WDR26: variants seen among roughly 807,000 people sequenced by gnomAD.
WDR26 encodes the protein WD repeat-containing protein 26.
Under a neutral mutation model 84.1 loss-of-function variants are expected in WDR26, and 5 were observed. The observed-to-expected ratio is 0.06, with a 90% CI of 0.03 to 0.13. WDR26 has a LOEUF of 0.13. WDR26 is among the 10% of genes least tolerant of loss of function. WDR26 has a pLI of 1.00. For synonymous variants in WDR26, 415 were observed against 389.6 expected (o/e 1.07, Z -0.77); for missense variants, 642 against 974.9 (o/e 0.66, Z 4.55).
At chr1:224,425,029 C>T (rs778933597) in intron 3 of WDR26, among the ~76,000 whole-genome samples, 12 of 152,124 alleles carry the variant, frequency 7.9e-5, no homozygotes, top group Non-Finnish European at 1.2e-4. Context: ...AGAAGTATGA[C>T]TTTATAACTA....
At chr1:224,420,015 AG>A (rs1558438201) in intron 4 of WDR26, among the ~76,000 whole-genome samples, 1 of 152,224 alleles carries the variant, frequency 6.6e-6, no homozygotes, top group Admixed American at 6.5e-5. Flanking sequence ...TAAGAGGCTA[AG>A]TAGGTATATA....
chr1:224,403,351 C>G (rs150355837), intron 8 of WDR26, among the ~76,000 whole-genome samples: 2 of 152,252 alleles, frequency 1.3e-5, no homozygotes, highest in Non-Finnish European at 2.9e-5. Context: ...CGCCCGGCCA[C>G]AAATGCATGT....
chr1:224,413,669 T>G (rs1673801419), intron 6 of WDR26, among the ~76,000 whole-genome samples: 1 of 152,172 alleles, frequency 6.6e-6, no homozygotes, highest in East Asian at 1.9e-4. Context: ...GTACTAAGAT[T>G]TGGACCTATG....
At chr1:224,393,582 C>G (rs1016097146) in intron 13 of WDR26, among the ~76,000 whole-genome samples, 2 of 152,140 alleles carry the variant, frequency 1.3e-5, no homozygotes, top group Non-Finnish European at 2.9e-5. Flanking sequence ...AAATAGCTAA[C>G]TGGATGTCAA....
intron 6 of WDR26, chr1:224,413,340 A>G: frequency 8.1e-7 from 1 of 1,229,008 alleles, no homozygotes; most frequent in Admixed American, 2.6e-5. Context: ...ACCAGTCTGA[A>G]ACAAAATATA....
At chr1:224,393,663 CACT>C (rs1558414224) in intron 13 of WDR26, among the ~76,000 whole-genome samples, 162 bp downstream of exon 13, 1 of 152,180 alleles carries the variant, frequency 6.6e-6, no homozygotes, top group Non-Finnish European at 1.5e-5. Context: ...TTGGCTCTTA[CACT>C]ACTTAAACTC....
intron 6 of WDR26, among the ~76,000 whole-genome samples, chr1:224,415,755 C>T (rs978672382): frequency 5.9e-5 from 9 of 152,136 alleles, no homozygotes; most frequent in African/African-American, 2.2e-4. Context: ...CCACTGCACC[C>T]GGCCTGGAAC....
chr1:224,395,952 A>T (rs977711761), intron 12 of WDR26, among the ~76,000 whole-genome samples: 6 of 152,190 alleles, frequency 3.9e-5, no homozygotes, highest in Non-Finnish European at 8.8e-5. Context: ...TTTTTGGGAA[A>T]CGGTTTTTAA....
At chr1:224,417,503 GT>G (rs1673939189) in intron 6 of WDR26, among the ~76,000 whole-genome samples, 1 of 152,170 alleles carries the variant, frequency 6.6e-6, no homozygotes, top group Non-Finnish European at 1.5e-5. Flanking sequence ...GAGACCAGAA[GT>G]TCAAGACCAG....
intron 7 of WDR26, among the ~76,000 whole-genome samples, chr1:224,410,694 C>CTTTTTTT (rs397983007): frequency 1.9e-4 from 23 of 118,936 alleles, no homozygotes; most frequent in African/African-American, 3.9e-4. Context: ...ATCTTTCTTT[C>CTTTTTTT]TTTTTTTTTT....
chr1:224,401,702 G>GAAAAAAAAAAAAAAAAAAAAA (rs5781368), intron 8 of WDR26, among the ~76,000 whole-genome samples: 1 of 97,756 alleles, frequency 1.0e-5, no homozygotes, highest in Non-Finnish European at 1.9e-5. Flanking sequence ...AAAAAAAAAA[G>GAAAAAAAAAAAAAAAAAAAAA]AAAAAAGAAA....
chr1:224,398,559 T>C lies in WDR26; in HGVS notation c.1900A>G (p.Ile634Val), dbSNP rs1397559220. ...AAAGCTAATCGGCCATTTTTTGAAA[T>C]AGTAAAAGACATAATAGGATGATCT... The change falls in exon 11 of 14, where the codon ATT becomes GTT. Residue 634 changes from isoleucine to valine, a missense_variant. Coordinates refer to ENST00000414423, the MANE Select transcript of WDR26 (RefSeq NM_001379403.1). 1 of 1,610,618 alleles carries C rather than the reference T, an allele frequency of 6.2e-7. No individual in the cohort carries two copies.
intron 6 of WDR26, among the ~76,000 whole-genome samples, chr1:224,414,960 T>C (rs368398024): frequency 5.5e-4 from 84 of 152,326 alleles, no homozygotes; most frequent in African/African-American, 1.9e-3. Context: ...TGAACTATAA[T>C]TGCACCACTG....
At position 224,401,046 on chromosome 1, in the gene WDR26, C is replaced by G. The variant is rs1478823493; in HGVS notation, c.1623G>C (p.Met541Ile). Residue 541 changes from methionine (M) to isoleucine (I), a missense_variant, in exon 9 of 14, where the codon ATG becomes ATC. Transcript: ENST00000414423. ...TCAAACTGTCTTCATGAGACTGGCT[C>G]ATTTTTGTCCTTAGTTCTCCTGTCT... 6.2e-7 allele frequency: 1 copy of G among 1,613,928 alleles called. No individual in the cohort carries two copies. The highest frequency in any genetic ancestry group is 8.5e-7 in the Non-Finnish European group (1 of 1,179,922).
intron 3 of WDR26, among the ~76,000 whole-genome samples, chr1:224,426,131 T>G (rs1674203495): frequency 6.6e-6 from 1 of 152,150 alleles, no homozygotes; most frequent in Non-Finnish European, 1.5e-5. Context: ...GTGCTGGGAT[T>G]ACAGGCATGA....
Position 224,386,099 on chromosome 1 carries a change from C to A in WDR26, c.*3736G>T, listed in dbSNP as rs1672985929. 1.3e-5 allele frequency: 2 copies of A among 152,560 alleles called. No homozygotes were observed. Among genetic ancestry groups the A allele is most frequent in the South Asian group, 4.1e-4 (2 of 4,832 alleles). 9.5% of individuals were successfully genotyped at this position (152,560 alleles called of 1,614,324 possible). ...TGTAACTATAGGGCAGCTACTATAA[C>A]AATAGCTTAACAACACTGAAAAATT... On this transcript the variant is annotated 3_prime_UTR_variant, in exon 14 of 14. Transcript: ENST00000414423.
intron 10 of WDR26, 23 bp from the exon 11 acceptor site, chr1:224,398,616 C>G (rs367893912): frequency 5.1e-6 from 8 of 1,557,118 alleles, no homozygotes; most frequent in Non-Finnish European, 7.0e-6. Flanking sequence ...AATAATTTGT[C>G]AAAAACAACA....
At position 224,386,223 on chromosome 1, in the gene WDR26, G is replaced by A. The variant is rs932851141; in HGVS notation, c.*3612C>T. ...TTATATTAAATCAGATATGGTTTCT[G>A]AAATGGAAGTAATGTGTTGGAGGGC... On this transcript the variant is annotated 3_prime_UTR_variant, in exon 14 of 14. Coordinates refer to ENST00000414423, the MANE Select transcript of WDR26 (RefSeq NM_001379403.1). 3.3e-5 allele frequency: 5 copies of A among 152,626 alleles called. No homozygotes were observed. Among genetic ancestry groups the A allele is most frequent in the African/African-American group, 1.2e-4 (5 of 41,440 alleles). The allele number at this position is 152,626 out of a possible 1,614,324, so 9.5% of individuals were successfully genotyped here. A position where few individuals can be genotyped will look rare whatever the true frequency, so the allele number is the denominator to read the frequency against.
In WDR26 at chr1:224,434,232, G is replaced by GGACGAC. The variant is rs899438525; in HGVS notation, c.168_173dup (p.Ser66_Ser67dup). ...AGGAGGAGGAGGAGGAGGAGGACGA[G>GGACGAC]GACGACGAGGACGGAGGGGAGAGGC... On this transcript the variant is annotated inframe_insertion, in exon 1 of 14. Transcript: ENST00000414423. 5 of 1,370,446 alleles carry GGACGAC rather than the reference G, an allele frequency of 3.6e-6. No homozygotes were observed. Among genetic ancestry groups the GGACGAC allele is most frequent in the East Asian group, 2.7e-5 (1 of 37,602 alleles). The allele number at this position is 1,370,446 out of a possible 1,614,324, so 84.9% of individuals were successfully genotyped here.
Sources: allele counts gnomAD v4.1 joint callset (sites outside exome capture counted in the v4.1 genomes callset), GRCh38; gene constraint gnomAD v4.1.1; transcripts MANE v1.5; gene names NCBI Gene and HGNC (gene_info 2026-07-23, HGNC 2026-07-21).